The following EPB41L1 variants were observed in gnomAD, a reference collection of about 807,000 sequenced individuals.
EPB41L1 encodes the protein band 4.1-like protein 1.
A neutral mutation model predicts 97.8 loss-of-function variants in EPB41L1; 29 were observed. The ratio of observed to expected loss-of-function variants is 0.30; its 90% CI spans 0.22 to 0.40. The LOEUF (loss-of-function observed/expected upper bound fraction) is 0.40, where lower values mean the gene tolerates loss of function less well. Among genes scored for constraint, EPB41L1 ranks in the 10% least tolerant of loss-of-function variants. The pLI, the probability that EPB41L1 is intolerant of heterozygous loss-of-function variation, is 1.00. For missense variants in EPB41L1, 812 were observed against 1,162.3 expected (o/e 0.70, Z 4.38); for synonymous variants, 383 against 459.2 (o/e 0.83, Z 2.12).
At chr20:36,218,690 G>A (rs2063586118) in intron 17 of EPB41L1, among the ~76,000 whole-genome samples, 186 bp from the exon 18 acceptor site, 1 of 152,262 alleles carries the variant, frequency 6.6e-6, no homozygotes, top group Non-Finnish European at 1.5e-5. Context: ...AAGTGTGCGA[G>A]TGAACAAATG....
chr20:36,205,899 G>C, intron 14 of EPB41L1: 1 of 1,289,860 alleles, frequency 7.8e-7, no homozygotes, highest in Non-Finnish European at 1.0e-6. Flanking sequence ...GGCCAGAAGA[G>C]CTCGGTCTCC....
At chr20:36,111,195 G>A (rs1047859488) in intron 1 of EPB41L1, among the ~76,000 whole-genome samples, 5 of 152,204 alleles carry the variant, frequency 3.3e-5, no homozygotes, top group Admixed American at 6.5e-5. Context: ...TAAGTAGTAA[G>A]TGTTAGAACC....
intron 3 of EPB41L1, 47 bp downstream of exon 3, chr20:36,175,762 C>A (rs2061200507): frequency 6.2e-7 from 1 of 1,609,346 alleles, no homozygotes; most frequent in Non-Finnish European, 8.5e-7. Flanking sequence ...GTCAGCCAGC[C>A]TCAGGTCCAG....
intron 12 of EPB41L1, among the ~76,000 whole-genome samples, chr20:36,194,756 T>G (rs567110919): frequency 2.6e-5 from 4 of 152,222 alleles, no homozygotes; most frequent in African/African-American, 9.6e-5. Context: ...TTCAAGTGTG[T>G]CCCCTTCCTA....
At chr20:36,157,746 G>C (rs1391521726) in intron 1 of EPB41L1, among the ~76,000 whole-genome samples, 1 of 152,184 alleles carries the variant, frequency 6.6e-6, no homozygotes, top group Non-Finnish European at 1.5e-5. Context: ...TCCTGGCCAG[G>C]GTCCCCCAGA....
chr20:36,171,145 T>C (rs949120026), intron 1 of EPB41L1, among the ~76,000 whole-genome samples: 1 of 151,920 alleles, frequency 6.6e-6, no homozygotes, highest in South Asian at 2.1e-4. Flanking sequence ...TTTTTTTTTT[T>C]TCTTTTTAAG....
intron 1 of EPB41L1, among the ~76,000 whole-genome samples, chr20:36,157,731 C>T (rs533608387): frequency 2.6e-5 from 4 of 152,212 alleles, no homozygotes; most frequent in Non-Finnish European, 4.4e-5. Context: ...CCTTGGCCTT[C>T]TCCTTCCTGG....
rs2061349135 is a variant in EPB41L1 at position 36,178,653 on chromosome 20, G to A, written c.471G>A (p.Glu157=). 8 of 1,614,186 alleles carry A rather than the reference G, an allele frequency of 5.0e-6. No homozygotes were observed. The East Asian group carries it at 1.6e-4, about 31-fold the overall frequency. The change falls in exon 5 of 22, where the codon GAG becomes GAA. Residue 157 remains glutamate, a synonymous_variant. Coordinates refer to ENST00000338074, the MANE Select transcript of EPB41L1 (RefSeq NM_012156.2). ...AGAACTGGCTGGACCCCTCCAAGGA[G>A]ATCAAGAAGCAGATCCGGAGTGAGT... ...SQKNWLDPSK[E]IKKQIRSSPW...
chr20:36,185,543 C>T (rs1336461961), intron 7 of EPB41L1, among the ~76,000 whole-genome samples: 1 of 152,228 alleles, frequency 6.6e-6, no homozygotes, highest in Non-Finnish European at 1.5e-5. Context: ...TTTTGGGACC[C>T]AAGTTTCTTA....
Position 36,173,941 on chromosome 20 carries a change from G to T in EPB41L1, c.164G>T (p.Arg55Leu), listed in dbSNP as rs562835358. 7 of 1,613,046 alleles carry T rather than the reference G, an allele frequency of 4.3e-6. No individual in the cohort carries two copies. Among genetic ancestry groups the T allele is most frequent in the African/African-American group, 1.3e-5 (1 of 75,000 alleles). Residue 55 changes from arginine (R) to leucine (L), a missense_variant, in exon 2 of 22, where the codon CGG becomes CTG. Coordinates refer to ENST00000338074, the MANE Select transcript of EPB41L1 (RefSeq NM_012156.2). ...NEKHPSQQDTRPAEQSLDMEE... is the reference protein window; with the variant it reads ...NEKHPSQQDTLPAEQSLDMEE... ...AAGCATCCATCCCAGCAGGACACGC[G>T]GCCTGCTGAACAGGTGTGTGCCCGA...
Position 36,195,118 on chromosome 20 carries a change from C to T in EPB41L1, c.1450-211C>T, listed in dbSNP as rs562607297. On this transcript the variant is annotated intron_variant, in intron 12 of 21. Coordinates refer to ENST00000338074, the MANE Select transcript of EPB41L1 (RefSeq NM_012156.2). The surrounding 1 kb of genome is among the most constrained non-coding windows in gnomAD (Gnocchi z 4.6). ...CCCACTTGGCCTCTAGTTCCCTTCT[C>T]TGCCTTCCTGGGACAGCACCCTGCT... Among the ~76,000 whole-genome samples, 1 of 152,302 alleles carries T rather than the reference C, an allele frequency of 6.6e-6. No homozygotes were observed. The highest frequency in any genetic ancestry group is 1.5e-5 in the Non-Finnish European group (1 of 68,012).
At chr20:36,175,028 G>A (rs971161247) in intron 2 of EPB41L1, among the ~76,000 whole-genome samples, 1 of 152,066 alleles carries the variant, frequency 6.6e-6, no homozygotes. Context: ...CTTAATTCAC[G>A]ACAGGCCTGG....
chr20:36,162,800 T>C lies in EPB41L1; in HGVS notation c.-15+7904T>C, dbSNP rs376272307. 2.6e-5 allele frequency among the ~76,000 whole-genome samples: 4 copies of C among 152,346 alleles called. No individual in the cohort carries two copies. The East Asian group carries it at 7.7e-4, about 29-fold the overall frequency. ...CCAAGGCTGATGGGTGGTGGCCTTT[T>C]CACATTGTTTGGTCTAAAGTGGTGT... On this transcript the variant is annotated intron_variant, in intron 1 of 21. Coordinates refer to ENST00000338074, the MANE Select transcript of EPB41L1 (RefSeq NM_012156.2).
rs995315885 is a variant in EPB41L1 at position 36,154,763 on chromosome 20, G to A, written c.-148G>A. ...GCAGTCGGCATCCATCAGCGGGCGG[G>A]GGTGTCGCCGAACAGGCTGCTCCGC... On this transcript the variant is annotated 5_prime_UTR_variant, in exon 1 of 22. Transcript: ENST00000338074. The surrounding 1 kb of genome is among the most constrained non-coding windows in gnomAD (Gnocchi z 5.5). The A allele has an allele frequency of 3.0e-6, 3 of 986,570 alleles. No homozygotes were observed. Among genetic ancestry groups the A allele is most frequent in the African/African-American group, 1.8e-5 (1 of 57,082 alleles). The allele number at this position is 986,570 out of a possible 1,614,324, so 61.1% of individuals were successfully genotyped here. A position where few individuals can be genotyped will look rare whatever the true frequency, so the allele number is the denominator to read the frequency against.
intron 1 of EPB41L1, among the ~76,000 whole-genome samples, chr20:36,096,855 T>C (rs541846169): frequency 3.9e-5 from 6 of 152,378 alleles, no homozygotes; most frequent in Middle Eastern, 3.4e-3. Context: ...ATTTATAAAA[T>C]GGCAGATGGC....
chr20:36,145,395 CA>C (rs1188803832), intron 2 of EPB41L1, among the ~76,000 whole-genome samples: 2,080 of 65,614 alleles, frequency 0.032, 12 homozygotes, highest in Non-Finnish European at 0.036. Flanking sequence ...GACTCCATCT[CA>C]AAAAAAAAAA....
chr20:36,112,191 G>A (rs1006686640), intron 1 of EPB41L1, among the ~76,000 whole-genome samples: 3 of 152,146 alleles, frequency 2.0e-5, no homozygotes, highest in African/African-American at 7.2e-5. Flanking sequence ...AATAAAGAGC[G>A]AATCTTCTCC....
chr20:36,218,779 A>G (rs1228882771), intron 17 of EPB41L1, 97 bp from the exon 18 acceptor site: 1 of 1,082,308 alleles, frequency 9.2e-7, no homozygotes, highest in Non-Finnish European at 1.4e-6. Flanking sequence ...TTTCTACTCA[A>G]CCTTGTGGTC....
At chr20:36,200,032 A>G (rs964859664) in intron 14 of EPB41L1, among the ~76,000 whole-genome samples, 7 of 152,142 alleles carry the variant, frequency 4.6e-5, no homozygotes, top group African/African-American at 1.7e-4. Context: ...GGAAAGAACT[A>G]TGGTCCAGGA....
Sources: allele counts gnomAD v4.1 joint callset (sites outside exome capture counted in the v4.1 genomes callset), GRCh38; gene constraint gnomAD v4.1.1; non-coding constraint Gnocchi (gnomAD v3.1); transcripts MANE v1.5; gene names NCBI Gene and HGNC (gene_info 2026-07-23, HGNC 2026-07-21).